The following PKD2L2 variants were observed in gnomAD, a reference collection of about 807,000 sequenced individuals.
The protein encoded by PKD2L2 is polycystin 2 like 2, transient receptor potential cation channel.
A neutral mutation model predicts 83.9 loss-of-function variants in PKD2L2; 67 were observed. The observed-to-expected ratio is 0.80, with a 90% CI of 0.66 to 0.98. PKD2L2 has a LOEUF of 0.98. PKD2L2 is among the 50% of genes least tolerant of loss of function. The pLI, the probability that PKD2L2 is intolerant of heterozygous loss-of-function variation, is 0.00. For synonymous variants in PKD2L2, 223 were observed against 237.8 expected, an observed-to-expected ratio of 0.94 and a Z score of 0.57; for missense variants, 632 against 717.2, an observed-to-expected ratio of 0.88 and a Z score of 1.36.
intron 5 of PKD2L2, among the ~76,000 whole-genome samples, chr5:137,900,962 A>G (rs1449268084): frequency 6.6e-6 from 1 of 152,126 alleles, no homozygotes; most frequent in Non-Finnish European, 1.5e-5. Flanking sequence ...ACATGGAGGA[A>G]TCCCATCTCT....
At chr5:137,907,553 T>C (rs2150021043) in intron 6 of PKD2L2, among the ~76,000 whole-genome samples, 189 bp from the exon 7 acceptor site, 1 of 152,314 alleles carries the variant, frequency 6.6e-6, no homozygotes, top group South Asian at 2.1e-4. Flanking sequence ...TTCAACTTTA[T>C]AATAATTAAT....
At chr5:137,920,213 T>A (rs973923785) in intron 8 of PKD2L2, among the ~76,000 whole-genome samples, 14 of 151,650 alleles carry the variant, frequency 9.2e-5, no homozygotes, top group African/African-American at 2.9e-4. Context: ...CAAAAAAAAA[T>A]TTTTTTCCAA....
At position 137,923,671 on chromosome 5, in the gene PKD2L2, C is replaced by T. The variant is rs1580973951; in HGVS notation, c.1551+150C>T. On this transcript the variant is annotated intron_variant, in intron 10 of 14. Transcript: ENST00000508883. Reference sequence around the variant, plus strand: ...CCAGGGTTTGTTTTGTGTTTTGATCCAGTGTTACTCATATTCGCATTATTT... The same window carrying T: ...CCAGGGTTTGTTTTGTGTTTTGATCTAGTGTTACTCATATTCGCATTATTT... 7 of 611,766 alleles carry T rather than the reference C, an allele frequency of 1.1e-5. No homozygotes were observed. The East Asian group carries it at 2.0e-4, about 18-fold the overall frequency. The allele number at this position is 611,766 out of a possible 1,614,324, so 37.9% of individuals were successfully genotyped here.
intron 3 of PKD2L2, 36 bp from the exon 4 acceptor site, chr5:137,894,317 A>G (rs1756254072): frequency 1.3e-6 from 2 of 1,548,124 alleles, no homozygotes; most frequent in African/African-American, 2.8e-5. Context: ...TGACATGAAA[A>G]TATTTTTCCC....
chr5:137,936,460 CTTTTTTT>C, intron 14 of PKD2L2, 33 bp downstream of exon 14: 1 of 1,265,114 alleles, frequency 7.9e-7, no homozygotes, highest in Non-Finnish European at 1.1e-6. Context: ...TTGAGCATTT[CTTTTTTT>C]TTTTTTGAGA....
At chr5:137,927,113 G>A (rs950224999) in intron 12 of PKD2L2, among the ~76,000 whole-genome samples, 7 of 152,092 alleles carry the variant, frequency 4.6e-5, no homozygotes, top group Non-Finnish European at 8.8e-5. Flanking sequence ...TTGAATAAAA[G>A]GATTCCATGA....
At chr5:137,889,557 G>A in intron 1 of PKD2L2, 35 bp downstream of exon 1, 3 of 1,515,648 alleles carry the variant, frequency 2.0e-6, no homozygotes, top group Non-Finnish European at 8.8e-7. Flanking sequence ...GAGGGACAGG[G>A]GCGATTTGGC....
chr5:137,898,251 G>A (rs1404239899), intron 4 of PKD2L2, among the ~76,000 whole-genome samples: 1 of 152,150 alleles, frequency 6.6e-6, no homozygotes, highest in Non-Finnish European at 1.5e-5. Flanking sequence ...ACAGGCATGA[G>A]CCATTGCACG....
chr5:137,912,797 CTT>C (rs953093652), intron 8 of PKD2L2, among the ~76,000 whole-genome samples: 1 of 93,468 alleles, frequency 1.1e-5, no homozygotes, highest in Non-Finnish European at 2.3e-5. Flanking sequence ...TATTTGTTTT[CTT>C]TCTTTCTTTT....
At chr5:137,912,964 C>T (rs1757975570) in intron 8 of PKD2L2, among the ~76,000 whole-genome samples, 2 of 151,228 alleles carry the variant, frequency 1.3e-5, no homozygotes, top group South Asian at 4.2e-4. Flanking sequence ...ACCACCACGG[C>T]CGGCTAGTTT....
intron 5 of PKD2L2, among the ~76,000 whole-genome samples, chr5:137,903,928 T>C (rs1439182701): frequency 6.6e-6 from 1 of 152,114 alleles, no homozygotes; most frequent in Non-Finnish European, 1.5e-5. Flanking sequence ...AGCTACTTTT[T>C]GTATTTTAGT....
At chr5:137,925,193 T>G (rs1170086849) in intron 11 of PKD2L2, 89 bp downstream of exon 11, 1 of 825,580 alleles carries the variant, frequency 1.2e-6, no homozygotes, top group African/African-American at 1.7e-5. Context: ...GTTTTTTGTT[T>G]GTTTGTTTGT....
intron 12 of PKD2L2, among the ~76,000 whole-genome samples, chr5:137,933,312 T>C (rs747229929): frequency 6.6e-5 from 10 of 152,282 alleles, no homozygotes; most frequent in Non-Finnish European, 1.0e-4. Flanking sequence ...CAAATGAAGG[T>C]ACTTTCACCT....
chr5:137,908,899 T>C lies in PKD2L2; in HGVS notation c.1281T>C (p.Leu427=), dbSNP rs1480204209. The C allele has an allele frequency of 1.2e-6, 2 of 1,609,980 alleles. No homozygotes were observed. The highest frequency in any genetic ancestry group is 1.7e-5 in the Admixed American group (1 of 59,824). The change falls in exon 8 of 15, where the codon CTT becomes CTC. Residue 427 remains leucine, a synonymous_variant. Coordinates refer to ENST00000508883, the MANE Select transcript of PKD2L2 (RefSeq NM_001300921.2). ...TTGCTTATGCCCAGTTAGGATTTCT[T>C]GTTTTTGGATCACAAGTTGATGACT... ...IFFAYAQLGF[L]VFGSQVDDFS...
At chr5:137,905,477 A>G (rs1757293794) in intron 5 of PKD2L2, among the ~76,000 whole-genome samples, 1 of 152,152 alleles carries the variant, frequency 6.6e-6, no homozygotes, top group African/African-American at 2.4e-5. Context: ...GCACCTTATA[A>G]GAGTACCAAC....
At chr5:137,909,430 C>G (rs1029841312) in intron 8 of PKD2L2, among the ~76,000 whole-genome samples, 1 of 151,146 alleles carries the variant, frequency 6.6e-6, no homozygotes, top group Non-Finnish European at 1.5e-5. Context: ...GTTAATAGGT[C>G]AAGTTAGAAA....
rs187678057 is a variant in PKD2L2, at chr5:137,902,533, G to A, written c.746+2796G>A. 1.8e-3 allele frequency among the ~76,000 whole-genome samples: 275 copies of A among 152,172 alleles called. 1 individual carries two copies. Among genetic ancestry groups the A allele is most frequent in the African/African-American group, 6.5e-3 (268 of 41,526 alleles). ...AGTAAACATATTTTCTCTTCCCTAT[G>A]ATTTTTTTTTAGTCTGAGTCTCACT... On this transcript the variant is annotated intron_variant, in intron 5 of 14. Transcript: ENST00000508883.
chr5:137,937,500 G>T (rs769278130), intron 14 of PKD2L2, among the ~76,000 whole-genome samples: 1 of 152,128 alleles, frequency 6.6e-6, no homozygotes. Context: ...ATTTTTCTAG[G>T]CTATGTAAGC....
At chr5:137,930,600 T>G (rs539939233) in intron 12 of PKD2L2, among the ~76,000 whole-genome samples, 3 of 149,854 alleles carry the variant, frequency 2.0e-5, no homozygotes, top group African/African-American at 7.4e-5. Context: ...GAGGTGGAGG[T>G]TGCAGTCAGC....
Sources: allele counts gnomAD v4.1 joint callset (sites outside exome capture counted in the v4.1 genomes callset), GRCh38; gene constraint gnomAD v4.1.1; transcripts MANE v1.5; gene names NCBI Gene and HGNC (gene_info 2026-07-23, HGNC 2026-07-21).